Variants in CTH observed in about 807,000 individuals in gnomAD.
The protein encoded by CTH is cystathionase (cystathionine gamma-lyase).
A neutral mutation model predicts 50.6 loss-of-function variants in CTH; 41 were observed. The ratio of observed to expected loss-of-function variants is 0.81; its 90% CI spans 0.63 to 1.05. The LOEUF is 1.05. Among genes scored for constraint, CTH ranks in the 50% least tolerant of loss-of-function variants. CTH has a pLI of 0.00. For missense variants in CTH, 470 were observed against 492.6 expected, an observed-to-expected ratio of 0.95 and a Z score of 0.43; for synonymous variants, 156 against 168.9, an observed-to-expected ratio of 0.92 and a Z score of 0.59.
intron 5 of CTH, among the ~76,000 whole-genome samples, chr1:70,428,882 G>T (rs1684404790): frequency 6.6e-6 from 1 of 151,722 alleles, no homozygotes; most frequent in Admixed American, 6.6e-5. Flanking sequence ...CAAAGTATTG[G>T]GATTACAGGT....
intron 2 of CTH, 65 bp downstream of exon 2, chr1:70,416,102 A>G: frequency 2.1e-6 from 2 of 968,500 alleles, no homozygotes; most frequent in South Asian, 1.3e-5. Context: ...CCATAGAGGC[A>G]CAGAATGTGG....
intron 1 of CTH, among the ~76,000 whole-genome samples, chr1:70,413,259 C>CTTTTTTTTT (rs11295998): frequency 2.9e-5 from 4 of 139,178 alleles, no homozygotes; most frequent in African/African-American, 8.0e-5. Flanking sequence ...TTCTTTCTTT[C>CTTTTTTTTT]TTTTTTTTTT....
At chr1:70,420,878 G>C (rs975690680) in intron 3 of CTH, among the ~76,000 whole-genome samples, 17 of 151,964 alleles carry the variant, frequency 1.1e-4, no homozygotes, top group African/African-American at 3.6e-4. Flanking sequence ...ATATTACCTA[G>C]GGTCAGTCTA....
At chr1:70,425,498 G>T (rs1169833008) in intron 5 of CTH, among the ~76,000 whole-genome samples, 3 of 152,116 alleles carry the variant, frequency 2.0e-5, no homozygotes, top group Non-Finnish European at 2.9e-5. Flanking sequence ...CTTTTATCAG[G>T]GCACTGTATT....
At chr1:70,429,652 C>G in intron 5 of CTH, 142 bp from the exon 6 acceptor site, 2 of 648,284 alleles carry the variant, frequency 3.1e-6, no homozygotes. Context: ...TATCAGAGAT[C>G]CTGGAAAATT....
chr1:70,417,122 T>C (rs1684109921), intron 2 of CTH, among the ~76,000 whole-genome samples: 1 of 152,222 alleles, frequency 6.6e-6, no homozygotes, highest in Non-Finnish European at 1.5e-5. Flanking sequence ...CCTAAACTTT[T>C]TTTTTTAATG....
At chr1:70,411,735 C>T in intron 1 of CTH, 152 bp downstream of exon 1, 1 of 1,396,372 alleles carries the variant, frequency 7.2e-7, no homozygotes, top group South Asian at 1.5e-5. Flanking sequence ...TGCAGCACAG[C>T]TTTGTATCGG....
At position 70,413,358 on chromosome 1, in the gene CTH, G is replaced by T. The variant is rs1485754959; in HGVS notation, c.168+1775G>T. On this transcript the variant is annotated intron_variant, in intron 1 of 11. Transcript: ENST00000370938. The stretch of plus-strand genomic sequence containing the variant: ...GGCTCACTGCAACCTCCGCCTCCCG[G>T]GTTCAAGCGATTCTCCGGCCTCAGC... Among the ~76,000 whole-genome samples, 4 of 151,816 alleles carry T rather than the reference G, an allele frequency of 2.6e-5. No individual in the cohort carries two copies. In the South Asian group the frequency reaches 6.3e-4, roughly 24 times the overall value.
intron 11 of CTH, 125 bp downstream of exon 11, chr1:70,438,951 A>G: frequency 6.3e-7 from 1 of 1,586,104 alleles, no homozygotes; most frequent in Admixed American, 1.7e-5. Context: ...CTGTTCCTGT[A>G]ATAGACCAGG....
chr1:70,424,717 C>T (rs943687401), intron 5 of CTH, among the ~76,000 whole-genome samples: 15 of 152,126 alleles, frequency 9.9e-5, no homozygotes, highest in South Asian at 6.2e-4. Flanking sequence ...CCGAGGCGGG[C>T]GGATCAGGAG....
At chr1:70,415,476 T>C (rs1401398838) in intron 1 of CTH, among the ~76,000 whole-genome samples, 1 of 152,210 alleles carries the variant, frequency 6.6e-6, no homozygotes, top group Non-Finnish European at 1.5e-5. Context: ...TTAGGTTTAT[T>C]CTGTTGGCTC....
At chr1:70,419,171 T>C (rs1557463473) in intron 3 of CTH, among the ~76,000 whole-genome samples, 1 of 152,124 alleles carries the variant, frequency 6.6e-6, no homozygotes, top group East Asian at 1.9e-4. Context: ...TTTTTATGGC[T>C]GCATAGTATT....
chr1:70,411,709 T>A (rs1683969330), intron 1 of CTH, 126 bp downstream of exon 1: 1 of 1,451,424 alleles, frequency 6.9e-7, no homozygotes, highest in Admixed American at 2.7e-5. Context: ...GAAAGATGTT[T>A]CTACACTGTA....
intron 2 of CTH, among the ~76,000 whole-genome samples, 168 bp downstream of exon 2, chr1:70,416,205 A>C (rs1684088232): frequency 6.6e-6 from 1 of 152,190 alleles, no homozygotes; most frequent in Non-Finnish European, 1.5e-5. Context: ...TAATATGCAT[A>C]TGTGTAATCA....
intron 1 of CTH, 99 bp downstream of exon 1, chr1:70,411,682 A>C: frequency 6.6e-7 from 1 of 1,505,566 alleles, no homozygotes; most frequent in East Asian, 2.4e-5. Flanking sequence ...TATGACTTAT[A>C]AATTAGGAAG....
At chr1:70,424,447 T>G (rs761003284) in intron 5 of CTH, 31 bp downstream of exon 5, 1 of 1,613,104 alleles carries the variant, frequency 6.2e-7, no homozygotes, top group Non-Finnish European at 8.5e-7. Context: ...TTGGCACAAT[T>G]AGTAGACCAC....
At chr1:70,430,529 T>G (rs1286917312) in intron 7 of CTH, 135 bp downstream of exon 7, 5 of 590,684 alleles carry the variant, frequency 8.5e-6, no homozygotes, top group Non-Finnish European at 1.2e-5. Context: ...AGAAAAATTC[T>G]GATTTTTTTT....
intron 3 of CTH, among the ~76,000 whole-genome samples, chr1:70,420,263 A>G (rs1261876407): frequency 6.6e-6 from 1 of 152,114 alleles, no homozygotes; most frequent in East Asian, 1.9e-4. Flanking sequence ...AAGTGCTAGG[A>G]TTACAGATGT....
At chr1:70,436,202 C>T (rs916679666) in intron 10 of CTH, among the ~76,000 whole-genome samples, 1 of 151,878 alleles carries the variant, frequency 6.6e-6, no homozygotes, top group African/African-American at 2.4e-5. Context: ...ATCCCAGTTA[C>T]TTGGGTGGCT....
Sources: allele counts gnomAD v4.1 joint callset (sites outside exome capture counted in the v4.1 genomes callset), GRCh38; gene constraint gnomAD v4.1.1; transcripts MANE v1.5; gene names NCBI Gene and HGNC (gene_info 2026-07-23, HGNC 2026-07-21).